The following IPCEF1 variants were observed in gnomAD, a reference collection of about 807,000 sequenced individuals.
IPCEF1 encodes interaction protein for cytohesin exchange factors 1, also known as interactor protein for cytohesin exchange factors 1.
IPCEF1 carries 31 observed loss-of-function variants against 50.9 expected under a neutral mutation model. That is an observed-to-expected ratio of 0.61 (90% confidence interval 0.46 to 0.82). The LOEUF is 0.82. IPCEF1 is among the 40% of genes least tolerant of loss of function. The pLI is 0.00. For synonymous variants in IPCEF1, 181 were observed against 192.0 expected (o/e 0.94, Z 0.47); for missense variants, 458 against 514.0 (o/e 0.89, Z 1.05).
At chr6:154,268,038 C>T (rs569860737) in intron 2 of IPCEF1, among the ~76,000 whole-genome samples, 2 of 152,332 alleles carry the variant, frequency 1.3e-5, no homozygotes, top group East Asian at 3.9e-4. Context: ...CAGCCTGGTC[C>T]CCAGTCTTCA....
intron 1 of IPCEF1, among the ~76,000 whole-genome samples, chr6:154,290,473 G>T (rs1372705399): frequency 1.3e-5 from 2 of 152,066 alleles, no homozygotes; most frequent in African/African-American, 2.4e-5. Context: ...ACTTCCTTTT[G>T]TTCTTGCTCT....
chr6:154,285,480 C>T (rs1269900099), intron 2 of IPCEF1, among the ~76,000 whole-genome samples: 1 of 152,028 alleles, frequency 6.6e-6, no homozygotes, highest in Non-Finnish European at 1.5e-5. Flanking sequence ...TATTTTTGAG[C>T]TAAAATTTAA....
chr6:154,290,893 C>CTTTTTTTTTTTTTT lies in IPCEF1; in HGVS notation c.-61-1151_-61-1138dup, dbSNP rs3045866. 1.6e-3 allele frequency among the ~76,000 whole-genome samples: 206 copies of CTTTTTTTTTTTTTT among 127,256 alleles called. 9 individuals carry two copies. The highest frequency in any genetic ancestry group is 6.3e-3 in the African/African-American group (197 of 31,518). The allele number at this position is 127,256 out of a possible 152,430, so 83.5% of individuals were successfully genotyped here. On this transcript the variant is annotated intron_variant, in intron 1 of 11. Coordinates refer to ENST00000367220, the MANE Select transcript of IPCEF1 (RefSeq NM_001130700.2). ...AATTTTTCCAGTAGGAATATATTGC[C>CTTTTTTTTTTTTTT]TTTTTTTTTTTTTTGAGACAGAGTC...
intron 2 of IPCEF1, among the ~76,000 whole-genome samples, chr6:154,270,620 AT>A (rs1299603436): frequency 6.6e-6 from 1 of 152,232 alleles, no homozygotes; most frequent in African/African-American, 2.4e-5. Context: ...ATAACTCTGA[AT>A]AAAATTTTTT....
chr6:154,295,055 G>A (rs1224760127), intron 1 of IPCEF1, among the ~76,000 whole-genome samples: 8 of 152,072 alleles, frequency 5.3e-5, no homozygotes, highest in East Asian at 3.9e-4. Flanking sequence ...AAAATTAGTC[G>A]GGTGTGGTGG....
At chr6:154,247,560 G>A in intron 3 of IPCEF1, 72 bp from the exon 4 acceptor site, 3 of 1,334,338 alleles carry the variant, frequency 2.2e-6, no homozygotes, top group Non-Finnish European at 3.2e-6. Flanking sequence ...AGAGAAGGAG[G>A]GAGGAGGTGG....
intron 2 of IPCEF1, among the ~76,000 whole-genome samples, chr6:154,284,429 C>T (rs76114452): frequency 0.037 from 5,598 of 152,218 alleles, 327 homozygotes; most frequent in African/African-American, 0.12. Flanking sequence ...CCTCGGCCCC[C>T]AGGAAGACCT....
chr6:154,252,405 G>A (rs1270109216), intron 3 of IPCEF1, among the ~76,000 whole-genome samples: 4 of 152,272 alleles, frequency 2.6e-5, no homozygotes, highest in East Asian at 1.9e-4. Flanking sequence ...GGCCAGGCAC[G>A]GTGGCTCTCA....
At chr6:154,343,022 A>G (rs759408353) in intron 1 of IPCEF1, among the ~76,000 whole-genome samples, 2 of 152,162 alleles carry the variant, frequency 1.3e-5, no homozygotes, top group Non-Finnish European at 2.9e-5. Flanking sequence ...AGGCTGAGGC[A>G]GGAGGATCAC....
chr6:154,227,644 G>A (rs1779363896), intron 5 of IPCEF1, among the ~76,000 whole-genome samples: 1 of 152,108 alleles, frequency 6.6e-6, no homozygotes, highest in Non-Finnish European at 1.5e-5. Flanking sequence ...CCTGAGCCCG[G>A]AGGTCGAGGC....
chr6:154,306,391 TTTTAA>T (rs1782933645), intron 1 of IPCEF1, among the ~76,000 whole-genome samples: 1 of 152,052 alleles, frequency 6.6e-6, no homozygotes, highest in African/African-American at 2.4e-5. Context: ...CTTTATTTTG[TTTTAA>T]TTTATTTTTA....
intron 1 of IPCEF1, among the ~76,000 whole-genome samples, chr6:154,336,033 G>A (rs1049825948): frequency 2.0e-5 from 3 of 152,196 alleles, no homozygotes; most frequent in Non-Finnish European, 4.4e-5. Flanking sequence ...ATGCTGGTGA[G>A]GAGGTGGAGA....
At chr6:154,306,087 T>C (rs1275334335) in intron 1 of IPCEF1, among the ~76,000 whole-genome samples, 1 of 152,166 alleles carries the variant, frequency 6.6e-6, no homozygotes, top group Non-Finnish European at 1.5e-5. Flanking sequence ...TATTAGCTCT[T>C]TCTTCTAGAG....
intron 1 of IPCEF1, among the ~76,000 whole-genome samples, chr6:154,305,995 G>A (rs1052377469): frequency 2.0e-5 from 3 of 152,188 alleles, no homozygotes; most frequent in South Asian, 2.1e-4. Flanking sequence ...TCAACTTGCA[G>A]AGGGCCTATT....
chr6:154,271,753 A>G (rs907295150), intron 2 of IPCEF1, among the ~76,000 whole-genome samples: 6 of 152,100 alleles, frequency 3.9e-5, no homozygotes, highest in African/African-American at 1.4e-4. Flanking sequence ...GAAGACCAAG[A>G]TGGAAGGATC....
chr6:154,247,626 G>A (rs904917340), intron 3 of IPCEF1, 138 bp from the exon 4 acceptor site: 52 of 619,546 alleles, frequency 8.4e-5, no homozygotes, highest in African/African-American at 2.4e-4. Flanking sequence ...AGAGCTTAAC[G>A]GGGAGCTACT....
At chr6:154,161,214 C>CT (rs1669028222) in intron 11 of IPCEF1, among the ~76,000 whole-genome samples, 7 of 146,490 alleles carry the variant, frequency 4.8e-5, no homozygotes, top group Admixed American at 6.8e-5. Flanking sequence ...CTTTTCTTTT[C>CT]ATTTTTTTTT....
At chr6:154,304,960 A>G (rs551819322) in intron 1 of IPCEF1, among the ~76,000 whole-genome samples, 58 of 152,158 alleles carry the variant, frequency 3.8e-4, no homozygotes, top group Non-Finnish European at 6.5e-4. Context: ...CTAAAAATAC[A>G]AAAGTTAGCT....
At chr6:154,280,917 A>G (rs574132858) in intron 2 of IPCEF1, among the ~76,000 whole-genome samples, 1 of 152,322 alleles carries the variant, frequency 6.6e-6, no homozygotes, top group Non-Finnish European at 1.5e-5. Context: ...AGTGAGAACT[A>G]GGCCAGATGC....
Sources: allele counts gnomAD v4.1 joint callset (sites outside exome capture counted in the v4.1 genomes callset), GRCh38; gene constraint gnomAD v4.1.1; transcripts MANE v1.5; gene names NCBI Gene and HGNC (gene_info 2026-07-23, HGNC 2026-07-21).